The following SIK2 variants were observed in gnomAD, a reference collection of about 807,000 sequenced individuals.
SIK2 encodes the protein salt inducible kinase 2.
Under a neutral mutation model 103.2 loss-of-function variants are expected in SIK2, and 29 were observed. The observed-to-expected ratio is 0.28, with a 90% CI of 0.21 to 0.38. The LOEUF is 0.38. Ranked by LOEUF, SIK2 falls within the 10% of genes least tolerant of loss-of-function variation. SIK2 has a pLI of 1.00. For missense variants in SIK2, 879 were observed against 1,171.0 expected (o/e 0.75, Z 3.64); for synonymous variants, 412 against 446.1 (o/e 0.92, Z 0.96).
chr11:111,615,093 C>T (rs1308244914), intron 1 of SIK2, among the ~76,000 whole-genome samples: 1 of 151,426 alleles, frequency 6.6e-6, no homozygotes, highest in African/African-American at 2.4e-5. Flanking sequence ...GAGCCAAGAT[C>T]GTGCCACTGC....
chr11:111,619,783 T>TA (rs1175381153), intron 2 of SIK2, among the ~76,000 whole-genome samples: 1 of 152,238 alleles, frequency 6.6e-6, no homozygotes, highest in East Asian at 1.9e-4. Context: ...ATGAAACTTT[T>TA]AAACAATTAG....
intron 3 of SIK2, among the ~76,000 whole-genome samples, chr11:111,652,444 G>A (rs1942339388): frequency 6.6e-6 from 1 of 152,152 alleles, no homozygotes. Flanking sequence ...GAGATTGTAT[G>A]TCATTAATTT....
intron 3 of SIK2, among the ~76,000 whole-genome samples, chr11:111,663,078 C>CA (rs1292913973): frequency 7.9e-5 from 12 of 151,422 alleles, no homozygotes; most frequent in African/African-American, 2.4e-4. Flanking sequence ...ACAAAAAATA[C>CA]AAAAAATTAG....
chr11:111,630,794 C>G (rs908201592), intron 3 of SIK2, among the ~76,000 whole-genome samples: 7 of 152,068 alleles, frequency 4.6e-5, no homozygotes, highest in Admixed American at 1.3e-4. Flanking sequence ...AAACTGGAAG[C>G]TACAACCAGA....
At chr11:111,621,196 A>G (rs1043669481) in intron 3 of SIK2, among the ~76,000 whole-genome samples, 2 of 152,180 alleles carry the variant, frequency 1.3e-5, no homozygotes, top group Admixed American at 6.5e-5. Context: ...TCACTTCCAG[A>G]AGTTTCTTTG....
At chr11:111,655,358 T>G (rs1236122189) in intron 3 of SIK2, among the ~76,000 whole-genome samples, 7 of 152,108 alleles carry the variant, frequency 4.6e-5, no homozygotes, top group Non-Finnish European at 1.0e-4. Flanking sequence ...GAGCCAAGAT[T>G]GCGCCACTGC....
rs1434052750 is a variant in SIK2 at position 111,725,701 on chromosome 11, T to C, written c.*1572T>C. 1 of 152,620 alleles carries C rather than the reference T, an allele frequency of 6.6e-6. No individual in the cohort carries two copies. The highest frequency in any genetic ancestry group is 1.9e-4 in the East Asian group (1 of 5,200). The allele number at this position is 152,620 out of a possible 1,614,324, so 9.5% of individuals were successfully genotyped here. ...AACACCTTTAAGTTGCCTTTCCTCT[T>C]TGTAGTTAGCGTTCAGGCAGGTGAC... is the stretch of plus-strand genomic sequence containing the variant. On this transcript the variant is annotated 3_prime_UTR_variant, in exon 15 of 15. Coordinates refer to ENST00000304987, the MANE Select transcript of SIK2 (RefSeq NM_015191.3).
intron 3 of SIK2, among the ~76,000 whole-genome samples, chr11:111,677,435 G>T (rs915605260): frequency 1.4e-5 from 2 of 147,922 alleles, no homozygotes; most frequent in Non-Finnish European, 1.5e-5. Context: ...TGTTTTTTTT[G>T]GAGATGGAGT....
At chr11:111,614,270 G>A (rs993766238) in intron 1 of SIK2, among the ~76,000 whole-genome samples, 10 of 151,980 alleles carry the variant, frequency 6.6e-5, no homozygotes, top group Non-Finnish European at 1.5e-4. Context: ...TTTTAGTAGA[G>A]ACAGCGTTTC....
intron 3 of SIK2, among the ~76,000 whole-genome samples, chr11:111,678,592 T>C (rs1029837453): frequency 2.0e-5 from 3 of 152,344 alleles, no homozygotes; most frequent in Admixed American, 6.5e-5. Flanking sequence ...CTTTTTAAGA[T>C]CTTTACATAT....
intron 3 of SIK2, among the ~76,000 whole-genome samples, chr11:111,636,867 G>C (rs1942114933): frequency 6.6e-6 from 1 of 152,114 alleles, no homozygotes; most frequent in African/African-American, 2.4e-5. Flanking sequence ...TTCAATTCCT[G>C]ATCCTTTGTT....
chr11:111,671,978 T>C (rs1808484414), intron 3 of SIK2: 15 of 515,994 alleles, frequency 2.9e-5, no homozygotes, highest in South Asian at 2.1e-4. Flanking sequence ...ATCTCATCCA[T>C]GTTGCTCCCA....
At chr11:111,615,288 T>TA (rs372263613) in intron 1 of SIK2, among the ~76,000 whole-genome samples, 65,412 of 134,154 alleles carry the variant, frequency 0.49, 16,926 homozygotes, top group African/African-American at 0.69. Context: ...CCATCTGCAT[T>TA]AAAAAAAAAA....
intron 8 of SIK2, among the ~76,000 whole-genome samples, chr11:111,706,695 C>T (rs1002494197): frequency 6.6e-6 from 1 of 152,074 alleles, no homozygotes; most frequent in African/African-American, 2.4e-5. Context: ...GGCGTGGTGG[C>T]TCACACCTGT....
Position 111,705,150 on chromosome 11 carries a change from C to T in SIK2, c.1101+11C>T, listed in dbSNP as rs369086450. On this transcript the variant is annotated intron_variant, in intron 8 of 14. Transcript: ENST00000304987. The surrounding 1 kb of genome is among the most constrained non-coding windows in gnomAD (Gnocchi z 4.3). ...CAAACAGTTGCCAAGGTAATGCCCC[C>T]TTAGCTGAGAGTCTTATCTGTGCAT... 1 of 1,550,644 alleles carries T rather than the reference C, an allele frequency of 6.4e-7. No individual in the cohort carries two copies. Among genetic ancestry groups the T allele is most frequent in the Non-Finnish European group, 8.6e-7 (1 of 1,159,226 alleles).
At chr11:111,674,109 A>C (rs1435685563) in intron 3 of SIK2, among the ~76,000 whole-genome samples, 4 of 151,338 alleles carry the variant, frequency 2.6e-5, no homozygotes, top group African/African-American at 4.9e-5. Flanking sequence ...AAAAGCTTAG[A>C]GGTTATGTAG....
At chr11:111,603,593 A>G (rs1941612335) in intron 1 of SIK2, among the ~76,000 whole-genome samples, 1 of 152,028 alleles carries the variant, frequency 6.6e-6, no homozygotes, top group Non-Finnish European at 1.5e-5. Flanking sequence ...CTCTGTTCTT[A>G]CCTAACCCGC....
At chr11:111,699,186 C>T (rs1413232157) in intron 4 of SIK2, among the ~76,000 whole-genome samples, 1 of 152,128 alleles carries the variant, frequency 6.6e-6, no homozygotes, top group Non-Finnish European at 1.5e-5. Flanking sequence ...TCCCTGGCAC[C>T]ACCTTTGCCT....
chr11:111,658,286 G>C (rs746010904), intron 3 of SIK2, among the ~76,000 whole-genome samples: 1 of 151,894 alleles, frequency 6.6e-6, no homozygotes, highest in South Asian at 2.1e-4. Context: ...CACCACGCCC[G>C]GTTAATTTTT....
Sources: gnomAD v4.1 joint callset for allele counts (sites outside exome capture counted in the v4.1 genomes callset) on GRCh38, gnomAD v4.1.1 for gene constraint, Gnocchi (gnomAD v3.1) non-coding constraint, MANE v1.5 for transcripts, NCBI Gene and HGNC (gene_info 2026-07-23, HGNC 2026-07-21) for gene names.